The following TECR variants were observed in gnomAD, a reference collection of about 807,000 sequenced individuals.
TECR encodes trans-2,3-enoyl-CoA reductase.
TECR carries 19 observed loss-of-function variants against 50.6 expected under a neutral mutation model. The observed-to-expected ratio is 0.38, with a 90% CI of 0.26 to 0.55. The LOEUF is 0.55. TECR is among the 20% of genes least tolerant of loss of function. TECR has a pLI of 0.79. For missense variants in TECR, 313 were observed against 408.3 expected, an observed-to-expected ratio of 0.77 and a Z score of 2.01; for synonymous variants, 168 against 163.5, an observed-to-expected ratio of 1.03 and a Z score of -0.21.
intron 1 of TECR, chr19:14,530,364 C>T (rs1905078822): frequency 6.5e-6 from 1 of 153,592 alleles, no homozygotes; most frequent in Non-Finnish European, 1.5e-5. Context: ...GTCTCTTTTT[C>T]CCTTAAAACG....
intron 1 of TECR, among the ~76,000 whole-genome samples, chr19:14,556,179 C>G (rs2073714585): frequency 1.3e-5 from 2 of 152,214 alleles, no homozygotes; most frequent in African/African-American, 4.8e-5. Flanking sequence ...CCACACAGGA[C>G]TCCTTCCTGC....
chr19:14,549,442 G>C (rs2073419436), intron 1 of TECR, among the ~76,000 whole-genome samples: 1 of 151,890 alleles, frequency 6.6e-6, no homozygotes, highest in African/African-American at 2.4e-5. Context: ...TGAACTCCTA[G>C]TCTTGAAGAC....
At chr19:14,543,284 G>A (rs2073163349) in intron 1 of TECR, among the ~76,000 whole-genome samples, 1 of 125,750 alleles carries the variant, frequency 8.0e-6, no homozygotes, top group Non-Finnish European at 1.8e-5. Context: ...TTGGAGGATT[G>A]CAGAGGGTGG....
intron 1 of TECR, among the ~76,000 whole-genome samples, chr19:14,535,746 G>A (rs2072875232): frequency 2.1e-5 from 2 of 96,198 alleles, no homozygotes; most frequent in Admixed American, 2.4e-4. Context: ...AACAGAGTGA[G>A]ACTCTGTCTC....
chr19:14,565,399 T>C (rs2146637632), intron 11 of TECR, 109 bp downstream of exon 11: 1 of 1,446,368 alleles, frequency 6.9e-7, no homozygotes, highest in Non-Finnish European at 9.5e-7. Flanking sequence ...CCGCCTGCAC[T>C]GCGAGCATTG....
intron 1 of TECR, among the ~76,000 whole-genome samples, chr19:14,535,568 ATATATATATATATATATATATG>A (rs1300098379): frequency 0.013 from 259 of 19,410 alleles, 8 homozygotes; most frequent in Middle Eastern, 0.059. Flanking sequence ...ATATATATAT[ATATATATATATATATATATATG>A]TATGTATATA....
intron 1 of TECR, among the ~76,000 whole-genome samples, chr19:14,535,513 A>G (rs2072834260): frequency 3.5e-5 from 1 of 28,296 alleles, no homozygotes; most frequent in Admixed American, 4.9e-4. Flanking sequence ...TCTCAAAAAA[A>G]AAAAAAAAAA....
chr19:14,565,355 T>A, intron 11 of TECR, 65 bp downstream of exon 11: 1 of 1,591,940 alleles, frequency 6.3e-7, no homozygotes, highest in Non-Finnish European at 8.6e-7. Context: ...GACCAGCCCC[T>A]AGGATGGGGC....
chr19:14,546,480 G>T (rs1194691912), intron 1 of TECR, among the ~76,000 whole-genome samples: 1 of 149,478 alleles, frequency 6.7e-6, no homozygotes, highest in Non-Finnish European at 1.5e-5. Context: ...CTGGCTACTT[G>T]CGAGGCTGAG....
chr19:14,527,791 T>A (rs1386378759), upstream of TECR: 1 of 152,202 alleles, frequency 6.6e-6, no homozygotes, highest in Non-Finnish European at 1.5e-5. Flanking sequence ...CAACAGCTCA[T>A]GAAAGCTCAG....
chr19:14,558,517 C>A (rs575560634), intron 1 of TECR, among the ~76,000 whole-genome samples: 15 of 152,260 alleles, frequency 9.9e-5, no homozygotes, highest in Middle Eastern at 3.4e-3. Context: ...GAATCTTGGG[C>A]CTCCTGGTGA....
At chr19:14,564,884 C>T in intron 8 of TECR, 26 bp downstream of exon 8, 7 of 1,614,046 alleles carry the variant, frequency 4.3e-6, no homozygotes, top group Non-Finnish European at 5.9e-6. Flanking sequence ...CCATCCTTCC[C>T]TCCCCCACGG....
In TECR at chr19:14,534,995, G is replaced by A. The variant is rs368831302; in HGVS notation, c.15+5284G>A. 1.0e-3 allele frequency among the ~76,000 whole-genome samples: 154 copies of A among 152,156 alleles called. 4 individuals carry two copies. In the South Asian group the frequency reaches 0.03, roughly 29 times the overall value. The stretch of plus-strand genomic sequence containing the variant: ...CCCTGAAGGGAGGGCGAGGTGCTGC[G>A]GGTCAGTGTGGACTGCTGGGAGAGG... On this transcript the variant is annotated intron_variant, in intron 1 of 12. Transcript: ENST00000215567.
At chr19:14,556,449 C>T (rs2073729701) in intron 1 of TECR, among the ~76,000 whole-genome samples, 2 of 151,944 alleles carry the variant, frequency 1.3e-5, no homozygotes, top group Non-Finnish European at 2.9e-5. Context: ...TTGTGACCTC[C>T]CCCACAACCT....
intron 1 of TECR, among the ~76,000 whole-genome samples, chr19:14,552,191 A>G (rs2073550500): frequency 8.4e-6 from 1 of 119,032 alleles, no homozygotes; most frequent in Non-Finnish European, 1.7e-5. Context: ...TTTTTTTGAG[A>G]TAGCGTGTCT....
intron 7 of TECR, 125 bp from the exon 8 acceptor site, chr19:14,564,661 G>GC (rs2074018744): frequency 4.4e-6 from 3 of 686,258 alleles, no homozygotes; most frequent in Non-Finnish European, 4.7e-6. Context: ...ATCCTCCCCA[G>GC]CCCCGCCCCA....
intron 1 of TECR, among the ~76,000 whole-genome samples, chr19:14,536,996 A>G (rs1599420250): frequency 9.6e-5 from 2 of 20,906 alleles, no homozygotes; most frequent in Non-Finnish European, 1.9e-4. Flanking sequence ...GAGGAGGAGG[A>G]GGTGGGGCTT....
rs1249149443 is a variant in TECR at position 14,563,313 on chromosome 19, G to A, written c.118+56G>A. ...GCAACCCCTTTGACCAGGGACCTTA[G>A]GGTGGGAGGGATCCCATCCTGCACC... On this transcript the variant is annotated intron_variant, in intron 3 of 12. Transcript: ENST00000215567. This position sits in a 1 kb window ranked among gnomAD's most constrained non-coding sequence, Gnocchi z 5.3. 2 of 1,495,464 alleles carry A rather than the reference G, an allele frequency of 1.3e-6. No homozygotes were observed. Among genetic ancestry groups the A allele is most frequent in the Non-Finnish European group, 1.9e-6 (2 of 1,078,346 alleles). 92.6% of individuals were successfully genotyped at this position (1,495,464 alleles called of 1,614,324 possible). A position where few individuals can be genotyped will look rare whatever the true frequency, so the allele number is the denominator to read the frequency against.
chr19:14,531,741 A>G (rs1234990481), intron 1 of TECR: 3 of 152,162 alleles, frequency 2.0e-5, no homozygotes, highest in African/African-American at 7.2e-5. Context: ...CCTTTAACCC[A>G]CAAATCCTGT....
Sources: allele counts gnomAD v4.1 joint callset (sites outside exome capture counted in the v4.1 genomes callset), GRCh38; gene constraint gnomAD v4.1.1; non-coding constraint Gnocchi (gnomAD v3.1); transcripts MANE v1.5; gene names NCBI Gene and HGNC (gene_info 2026-07-23, HGNC 2026-07-21).